The following ALKAL1 variants were observed in gnomAD, a reference collection of about 807,000 sequenced individuals.
ALKAL1 encodes AUG-beta.
In ALKAL1, 23 loss-of-function variants were observed where a neutral mutation model predicts 13.5. The ratio of observed to expected loss-of-function variants is 1.70; its 90% CI spans 1.23 to 2.41. The LOEUF (loss-of-function observed/expected upper bound fraction) is 2.41, where lower values mean the gene tolerates loss of function less well. ALKAL1 is among the 30% of genes most tolerant of loss of function. The pLI is 0.00. For missense variants in ALKAL1, 181 were observed against 178.4 expected (o/e 1.01, Z -0.08); for synonymous variants, 85 against 77.7 (o/e 1.09, Z -0.49).
chr8:52,535,048 G>A (rs998764567), intron 4 of ALKAL1, among the ~76,000 whole-genome samples: 3 of 152,110 alleles, frequency 2.0e-5, no homozygotes, highest in Non-Finnish European at 4.4e-5. Flanking sequence ...TCTAGCCCAG[G>A]AGAATGTAAA....
chr8:52,536,073 G>A (rs1230974908), intron 4 of ALKAL1, among the ~76,000 whole-genome samples: 2 of 152,222 alleles, frequency 1.3e-5, no homozygotes, highest in East Asian at 3.9e-4. Flanking sequence ...CAAGTAGCTG[G>A]GACTACAGGC....
intron 4 of ALKAL1, among the ~76,000 whole-genome samples, chr8:52,536,177 G>T (rs187417582): frequency 6.6e-6 from 1 of 152,314 alleles, no homozygotes; most frequent in African/African-American, 2.4e-5. Flanking sequence ...GACTTCAAGT[G>T]ATCCACCCGC....
intron 4 of ALKAL1, among the ~76,000 whole-genome samples, chr8:52,535,707 T>C (rs955953015): frequency 9.9e-5 from 15 of 152,160 alleles, no homozygotes; most frequent in African/African-American, 3.6e-4. Flanking sequence ...TTAGCAACTG[T>C]AGATATGCAG....
intron 3 of ALKAL1, 75 bp downstream of exon 3, chr8:52,539,756 G>T: frequency 9.1e-7 from 1 of 1,093,590 alleles, no homozygotes; most frequent in Non-Finnish European, 1.4e-6. Context: ...CCCACCCACA[G>T]ACATTTGAAG....
At chr8:52,539,382 C>A (rs1316877182) in intron 3 of ALKAL1, among the ~76,000 whole-genome samples, 1 of 152,036 alleles carries the variant, frequency 6.6e-6, no homozygotes, top group East Asian at 1.9e-4. Context: ...TTATAGCAAC[C>A]TTTACATGCT....
chr8:52,538,317 CTG>C, intron 4 of ALKAL1, 112 bp downstream of exon 4: 1 of 670,036 alleles, frequency 1.5e-6, no homozygotes, highest in South Asian at 1.8e-5. Flanking sequence ...AAATGTAACA[CTG>C]TACCCCATAA....
intron 2 of ALKAL1, 40 bp from the exon 3 acceptor site, chr8:52,539,951 A>T: frequency 6.4e-7 from 1 of 1,574,042 alleles, no homozygotes; most frequent in Non-Finnish European, 8.7e-7. Flanking sequence ...AAACATAGGC[A>T]TGTTTTCCAA....
chr8:52,538,020 T>C (rs1388241810), intron 4 of ALKAL1, among the ~76,000 whole-genome samples: 3 of 149,802 alleles, frequency 2.0e-5, no homozygotes, highest in Non-Finnish European at 4.4e-5. Flanking sequence ...CGCTTGAACC[T>C]GGAAGGCGGA....
intron 1 of ALKAL1, among the ~76,000 whole-genome samples, chr8:52,563,654 G>T (rs1847572127): frequency 6.6e-6 from 1 of 152,190 alleles, no homozygotes; most frequent in South Asian, 2.1e-4. Flanking sequence ...ATAATTTTAA[G>T]TCAAAGTGCA....
intron 1 of ALKAL1, among the ~76,000 whole-genome samples, chr8:52,550,361 T>C (rs1248054971): frequency 1.3e-5 from 2 of 152,230 alleles, no homozygotes; most frequent in Admixed American, 6.5e-5. Context: ...AGTCAGACTT[T>C]TATTTTACTG....
At chr8:52,558,801 G>A (rs1048170188) in intron 1 of ALKAL1, among the ~76,000 whole-genome samples, 2 of 152,116 alleles carry the variant, frequency 1.3e-5, no homozygotes, top group Non-Finnish European at 2.9e-5. Flanking sequence ...CTTTGTCATA[G>A]TCCGTTTTGT....
At chr8:52,562,232 A>ATGCCGAGTTG (rs1847558061) in intron 1 of ALKAL1, among the ~76,000 whole-genome samples, 1 of 152,168 alleles carries the variant, frequency 6.6e-6, no homozygotes, top group Non-Finnish European at 1.5e-5. Flanking sequence ...ATAGAGTTGG[A>ATGCCGAGTTG]GATGATCGAG....
chr8:52,542,639 C>T (rs1847325323), intron 1 of ALKAL1, among the ~76,000 whole-genome samples, 194 bp from the exon 2 acceptor site: 1 of 152,198 alleles, frequency 6.6e-6, no homozygotes, highest in Non-Finnish European at 1.5e-5. Context: ...TCACTGCTTG[C>T]TCTACGGCAT....
chr8:52,536,622 A>C lies in ALKAL1; in HGVS notation c.*12+1809T>G, dbSNP rs530361907. On this transcript the variant is annotated intron_variant, in intron 4 of 4. Coordinates refer to ENST00000358543, the MANE Select transcript of ALKAL1 (RefSeq NM_207413.4). ...ATTCTTTGCTTTTTCTCTTATTATT[A>C]CAATATCTTCTCTCTGTTTCCTACC... Among the ~76,000 whole-genome samples, 5 of 152,320 alleles carry C rather than the reference A, an allele frequency of 3.3e-5. No homozygotes were observed. The South Asian group carries it at 1.0e-3, about 32-fold the overall frequency.
At chr8:52,550,784 T>C (rs1847421225) in intron 1 of ALKAL1, among the ~76,000 whole-genome samples, 1 of 152,194 alleles carries the variant, frequency 6.6e-6, no homozygotes, top group African/African-American at 2.4e-5. Flanking sequence ...GGAGTTCTCC[T>C]GTGTCTCTCT....
At chr8:52,554,465 C>G (rs545569361) in intron 1 of ALKAL1, among the ~76,000 whole-genome samples, 1 of 152,258 alleles carries the variant, frequency 6.6e-6, no homozygotes, top group East Asian at 1.9e-4. Context: ...AAATTAACCA[C>G]CCTAGAAGCA....
At chr8:52,549,149 A>T (rs569194747) in intron 1 of ALKAL1, among the ~76,000 whole-genome samples, 1 of 152,030 alleles carries the variant, frequency 6.6e-6, no homozygotes, top group Non-Finnish European at 1.5e-5. Flanking sequence ...TTATGTTTCA[A>T]TCTAGCATTA....
At chr8:52,561,317 G>T (rs1407674941) in intron 1 of ALKAL1, among the ~76,000 whole-genome samples, 1 of 152,124 alleles carries the variant, frequency 6.6e-6, no homozygotes, top group Non-Finnish European at 1.5e-5. Flanking sequence ...GATCTTTGGG[G>T]ATATTTGCAA....
chr8:52,542,407 T>C lies in ALKAL1; in HGVS notation c.229A>G (p.Ile77Val). ...TTGTACTTACCTGTGAAATGCTTTA[T>C]GAATTTGTCTTTTAAGTTAGAGTCT... ...PRDSNLKDKF[I>V]KHFTGPVTFS... Residue 77 changes from isoleucine (I) to valine (V), a missense_variant, in exon 2 of 5, where the codon ATA (isoleucine) becomes GTA (valine). Physicochemically the swap from Ile to Val is conservative, Grantham distance 29. Coordinates refer to ENST00000358543, the MANE Select transcript of ALKAL1 (RefSeq NM_207413.4). 6.4e-7 allele frequency: 1 copy of C among 1,550,818 alleles called. No homozygotes were observed. The highest frequency in any genetic ancestry group is 8.9e-7 in the Non-Finnish European group (1 of 1,129,386).
Sources: gnomAD v4.1 joint callset for allele counts (sites outside exome capture counted in the v4.1 genomes callset) on GRCh38, gnomAD v4.1.1 for gene constraint, MANE v1.5 for transcripts, NCBI Gene and HGNC (gene_info 2026-07-23, HGNC 2026-07-21) for gene names.